Variants in DLG2 observed in about 807,000 individuals in gnomAD.
DLG2 encodes the protein disks large homolog 2.
In DLG2, 45 loss-of-function variants were observed where a neutral mutation model predicts 132.5. The observed-to-expected ratio is 0.34, with a 90% CI of 0.27 to 0.44. The LOEUF is 0.44. DLG2 is among the 20% of genes least tolerant of loss of function. The probability of loss-of-function intolerance (pLI) is 1.00; values close to 1 mark genes in which losing one functional copy is unlikely to be tolerated. For missense variants in DLG2, 1,045 were observed against 1,196.9 expected, an observed-to-expected ratio of 0.87 and a Z score of 1.87; for synonymous variants, 424 against 419.6, an observed-to-expected ratio of 1.01 and a Z score of -0.13.
At chr11:83,661,994 A>T (rs1374241956) in intron 18 of DLG2, among the ~76,000 whole-genome samples, 2 of 152,236 alleles carry the variant, frequency 1.3e-5, no homozygotes, top group Non-Finnish European at 2.9e-5. Context: ...GTATTTTAAT[A>T]TACTTGGAGT....
At chr11:84,431,633 G>T (rs2098984977) in intron 7 of DLG2, among the ~76,000 whole-genome samples, 2 of 151,902 alleles carry the variant, frequency 1.3e-5, no homozygotes, top group African/African-American at 4.8e-5. Context: ...CAAAATATAT[G>T]ATATATCTCA....
At chr11:84,892,101 G>C (rs1040030794) in intron 6 of DLG2, among the ~76,000 whole-genome samples, 17 of 152,252 alleles carry the variant, frequency 1.1e-4, no homozygotes, top group Admixed American at 1.1e-3. Flanking sequence ...GAATATAATT[G>C]CATAGTACTG....
At chr11:85,531,988 G>A (rs2075242454) in intron 3 of DLG2, among the ~76,000 whole-genome samples, 1 of 152,006 alleles carries the variant, frequency 6.6e-6, no homozygotes, top group South Asian at 2.1e-4. Context: ...CCAAAACCTA[G>A]GCATTTAACC....
At chr11:85,136,063 A>G (rs1022058606) in intron 5 of DLG2, among the ~76,000 whole-genome samples, 1 of 152,214 alleles carries the variant, frequency 6.6e-6, no homozygotes, top group Admixed American at 6.5e-5. Flanking sequence ...GGAATGAATC[A>G]GCAATATGTT....
chr11:83,902,855 A>C (rs1468163200), intron 15 of DLG2, among the ~76,000 whole-genome samples: 2 of 152,136 alleles, frequency 1.3e-5, no homozygotes, highest in South Asian at 4.1e-4. Flanking sequence ...CTCTAAATGG[A>C]TAGTGGGCAA....
intron 4 of DLG2, among the ~76,000 whole-genome samples, chr11:85,188,597 C>A (rs1172556680): frequency 6.6e-6 from 1 of 151,856 alleles, no homozygotes; most frequent in Admixed American, 6.6e-5. Flanking sequence ...GAATTAAAGC[C>A]CATTTTTAAA....
intron 10 of DLG2, among the ~76,000 whole-genome samples, chr11:84,082,983 A>G (rs1161200214): frequency 2.0e-5 from 3 of 152,200 alleles, no homozygotes; most frequent in Non-Finnish European, 4.4e-5. Context: ...CTATCAAGAA[A>G]ATAACTAAGT....
chr11:84,790,445 C>G (rs1349427875), intron 6 of DLG2, among the ~76,000 whole-genome samples: 2 of 152,016 alleles, frequency 1.3e-5, no homozygotes. Flanking sequence ...TGAATGTTTT[C>G]TATAGAGTTG....
At chr11:84,074,498 T>C (rs1348390425) in intron 10 of DLG2, among the ~76,000 whole-genome samples, 3 of 151,938 alleles carry the variant, frequency 2.0e-5, no homozygotes, top group Admixed American at 6.6e-5. Context: ...TTTTCTTTAA[T>C]ATATTCTCTA....
chr11:83,817,994 G>A (rs2049558749), intron 17 of DLG2, among the ~76,000 whole-genome samples: 1 of 152,140 alleles, frequency 6.6e-6, no homozygotes, highest in African/African-American at 2.4e-5. Context: ...ATCACACAAA[G>A]TTCTCTCAAA....
At chr11:85,002,206 A>G (rs1369266788) in intron 6 of DLG2, among the ~76,000 whole-genome samples, 6 of 152,232 alleles carry the variant, frequency 3.9e-5, no homozygotes, top group South Asian at 4.1e-4. Context: ...TCCTTTTGAG[A>G]AGCTATAATT....
rs149204534 is a variant in DLG2 at position 85,347,413 on chromosome 11, C to A, written c.41-62048G>T. ...AAGAAAGCAACCAGACCTGGATGGACTTTTTAGCAAGACAATGCCTGCCTG... is the reference window on the plus strand; with the variant it reads ...AAGAAAGCAACCAGACCTGGATGGAATTTTTAGCAAGACAATGCCTGCCTG... On this transcript the variant is annotated intron_variant, in intron 3 of 27. Transcript: ENST00000376104. Among the ~76,000 whole-genome samples, 1,005 of 152,208 alleles carry A rather than the reference C, an allele frequency of 6.6e-3. 11 individuals carry two copies. Among genetic ancestry groups the A allele is most frequent in the African/African-American group, 0.023 (948 of 41,490 alleles).
intron 6 of DLG2, among the ~76,000 whole-genome samples, chr11:84,963,212 C>G (rs1246323298): frequency 6.6e-6 from 1 of 152,192 alleles, no homozygotes; most frequent in Non-Finnish European, 1.5e-5. Context: ...CGCTGACATA[C>G]TTAAAGGATG....
chr11:84,898,896 A>G (rs556554490), intron 6 of DLG2, among the ~76,000 whole-genome samples: 1 of 152,168 alleles, frequency 6.6e-6, no homozygotes, highest in African/African-American at 2.4e-5. Flanking sequence ...TACAGCTATT[A>G]TTACACTTTA....
At chr11:83,644,638 T>A (rs892328155) in intron 18 of DLG2, among the ~76,000 whole-genome samples, 20 of 152,102 alleles carry the variant, frequency 1.3e-4, no homozygotes, top group Non-Finnish European at 2.1e-4. Flanking sequence ...GCCCCCAAAC[T>A]CATAAACAGG....
At chr11:84,568,959 C>T (rs1205051052) in intron 6 of DLG2, among the ~76,000 whole-genome samples, 1 of 152,166 alleles carries the variant, frequency 6.6e-6, no homozygotes, top group African/African-American at 2.4e-5. Flanking sequence ...ACTTTATAGC[C>T]TAGCCTGCAG....
At chr11:84,175,058 T>C (rs2095920561) in intron 8 of DLG2, among the ~76,000 whole-genome samples, 1 of 152,188 alleles carries the variant, frequency 6.6e-6, no homozygotes. Flanking sequence ...TACTTACTGA[T>C]GGAAAGTATG....
intron 6 of DLG2, among the ~76,000 whole-genome samples, chr11:84,718,751 TA>T (rs2061485754): frequency 6.6e-6 from 1 of 152,092 alleles, no homozygotes; most frequent in Non-Finnish European, 1.5e-5. Flanking sequence ...AAGCATGAGG[TA>T]GGGGTGGCAG....
rs562320480 is a variant in DLG2, at chr11:84,271,214, A to T, written c.520-19923T>A. On this transcript the variant is annotated intron_variant, in intron 7 of 27. Coordinates refer to ENST00000376104, the MANE Select transcript of DLG2 (RefSeq NM_001142699.3). The stretch of plus-strand genomic sequence containing the variant: ...ATCATATGTTTAATAAAGACTTGGA[A>T]GATGCTTGAGATATATTGGCAAATT... Among the ~76,000 whole-genome samples, 21 of 152,330 alleles carry T rather than the reference A, an allele frequency of 1.4e-4. No individual in the cohort carries two copies. In the South Asian group the frequency reaches 4.4e-3, roughly 32 times the overall value.
Sources: gnomAD v4.1 joint callset for allele counts (sites outside exome capture counted in the v4.1 genomes callset) on GRCh38, gnomAD v4.1.1 for gene constraint, MANE v1.5 for transcripts, NCBI Gene and HGNC (gene_info 2026-07-23, HGNC 2026-07-21) for gene names.